Variants in GOLM1 observed in about 807,000 individuals in gnomAD.
The protein encoded by GOLM1 is epididymis luminal protein 46.
Under a neutral mutation model 50.5 loss-of-function variants are expected in GOLM1, and 31 were observed. The ratio of observed to expected loss-of-function variants is 0.61; its 90% CI spans 0.46 to 0.83. GOLM1 has a LOEUF of 0.83. Among genes scored for constraint, GOLM1 ranks in the 40% least tolerant of loss-of-function variants. GOLM1 has a pLI of 0.00. For synonymous variants in GOLM1, 178 were observed against 192.8 expected (o/e 0.92, Z 0.64); for missense variants, 491 against 501.3 (o/e 0.98, Z 0.20).
intron 4 of GOLM1, among the ~76,000 whole-genome samples, chr9:86,047,729 G>A (rs1254281556): frequency 6.6e-6 from 1 of 152,194 alleles, no homozygotes; most frequent in Non-Finnish European, 1.5e-5. Flanking sequence ...CTAGGCAAGA[G>A]ATAACGGAAT....
At position 86,077,437 on chromosome 9, in the gene GOLM1, A is replaced by G. The variant is rs773677130; in HGVS notation, c.284T>C (p.Val95Ala). ...QSSHNFQLESVNKLYQDEKAV... is the reference protein window; with the variant it reads ...QSSHNFQLESANKLYQDEKAV... The stretch of plus-strand genomic sequence containing the variant: ...CTTTTCGTCCTGGTACAGCTTGTTG[A>G]CGCTCTCCAGCTGGAAGTTGTGGCT... Residue 95 changes from valine to alanine, a missense_variant, in exon 3 of 10, where the codon GTC (valine) becomes GCC (alanine). Coordinates refer to ENST00000388712, the MANE Select transcript of GOLM1 (RefSeq NM_016548.4). The G allele has an allele frequency of 2.4e-5, 39 of 1,614,018 alleles. No homozygotes were observed. Among genetic ancestry groups the G allele is most frequent in the Non-Finnish European group, 3.2e-5 (38 of 1,179,972 alleles).
At chr9:86,070,021 T>G (rs1834402686) in intron 3 of GOLM1, among the ~76,000 whole-genome samples, 1 of 151,910 alleles carries the variant, frequency 6.6e-6, no homozygotes, top group Admixed American at 6.6e-5. Context: ...GTAGCTGGGA[T>G]TTCAGGTGCC....
In GOLM1 at chr9:86,035,483, T is replaced by TG; in HGVS notation, c.899dup (p.Gln301ThrfsTer19). 1 of 1,613,600 alleles carries TG rather than the reference T, an allele frequency of 6.2e-7. No homozygotes were observed. The highest frequency in any genetic ancestry group is 8.5e-7 in the Non-Finnish European group (1 of 1,179,978). On this transcript the variant is annotated frameshift_variant, in exon 8 of 10. Coordinates refer to ENST00000388712, the MANE Select transcript of GOLM1 (RefSeq NM_016548.4). LOFTEE classifies it high-confidence loss of function. ...TCACTGACAGGGCAGCCTGCACCTG[T>TG]GGGGTCTGGCCCAGTTCTCCGGCTC... is the stretch of plus-strand genomic sequence containing the variant.
rs528813436 is a variant in GOLM1 at position 86,027,285 on chromosome 9, A to ACAGT, written c.*528_*531dup. 1.0e-6 allele frequency: 1 copy of ACAGT among 985,430 alleles called. No homozygotes were observed. The highest frequency in any genetic ancestry group is 1.2e-6 in the Non-Finnish European group (1 of 829,878). The allele number at this position is 985,430 out of a possible 1,614,324, so 61.0% of individuals were successfully genotyped here. A position where few individuals can be genotyped will look rare whatever the true frequency, so the allele number is the denominator to read the frequency against. ...TACTTTGCTAGTGACGTTTGTGTTAACAGTCAGTGCTCTAGGCCATTGATT... is the reference window on the plus strand; with the variant it reads ...TACTTTGCTAGTGACGTTTGTGTTAACAGTCAGTCAGTGCTCTAGGCCATTGATT... On this transcript the variant is annotated 3_prime_UTR_variant, in exon 10 of 10. Transcript: ENST00000388712.
chr9:86,061,843 TAG>T (rs1199491910), intron 3 of GOLM1, among the ~76,000 whole-genome samples: 1 of 151,986 alleles, frequency 6.6e-6, no homozygotes, highest in Non-Finnish European at 1.5e-5. Flanking sequence ...GTTTAGGGGA[TAG>T]AGTCAAATGT....
intron 3 of GOLM1, among the ~76,000 whole-genome samples, chr9:86,069,484 C>G (rs1368492266): frequency 6.6e-6 from 1 of 152,170 alleles, no homozygotes; most frequent in African/African-American, 2.4e-5. Flanking sequence ...AGCTCAATCC[C>G]CAAGAACTGA....
At chr9:86,099,255 C>T (rs1002097585) in intron 1 of GOLM1, among the ~76,000 whole-genome samples, 156 bp downstream of exon 1, 1 of 151,844 alleles carries the variant, frequency 6.6e-6, no homozygotes, top group Non-Finnish European at 1.5e-5. Context: ...CAGCCCCGAG[C>T]GCAGCCAGCG....
chr9:86,074,235 TAAA>T (rs11333722), intron 3 of GOLM1, among the ~76,000 whole-genome samples: 16 of 121,430 alleles, frequency 1.3e-4, no homozygotes, highest in Admixed American at 3.4e-4. Context: ...TTCTAAGATT[TAAA>T]AAAAAAAAAA....
At position 86,059,853 on chromosome 9, in the gene GOLM1, T is replaced by C. The variant is rs542575712; in HGVS notation, c.310-7262A>G. 2.3e-5 allele frequency among the ~76,000 whole-genome samples: 3 copies of C among 133,108 alleles called. No individual in the cohort carries two copies. In the East Asian group the frequency reaches 6.4e-4, roughly 29 times the overall value. 87.3% of individuals were successfully genotyped at this position (133,108 alleles called of 152,430 possible). On this transcript the variant is annotated intron_variant, in intron 3 of 9. Transcript: ENST00000388712. Reference sequence around the variant, plus strand: ...AGGTGGAGGTTGCAGTGAGCCAAGATGGCAACACTGCACTCCAGCCCGGGT... The same window carrying C: ...AGGTGGAGGTTGCAGTGAGCCAAGACGGCAACACTGCACTCCAGCCCGGGT...
In GOLM1 at chr9:86,027,658, A is replaced by AT. The variant is rs1832827596; in HGVS notation, c.*158dup. Reference sequence around the variant, plus strand: ...CAAAAGCTGTTTAAAAGACCATTCCATTTTTTCCTACACAAAGTGCATACT... The same window carrying AT: ...CAAAAGCTGTTTAAAAGACCATTCCATTTTTTTCCTACACAAAGTGCATACT... On this transcript the variant is annotated 3_prime_UTR_variant, in exon 10 of 10. Coordinates refer to ENST00000388712, the MANE Select transcript of GOLM1 (RefSeq NM_016548.4). 1.4e-6 allele frequency: 2 copies of AT among 1,402,770 alleles called. No homozygotes were observed. The highest frequency in any genetic ancestry group is 1.8e-6 in the Non-Finnish European group (2 of 1,081,364). The allele number at this position is 1,402,770 out of a possible 1,614,324, so 86.9% of individuals were successfully genotyped here.
chr9:86,087,070 C>G (rs143360144), intron 1 of GOLM1, among the ~76,000 whole-genome samples: 1 of 152,182 alleles, frequency 6.6e-6, no homozygotes, highest in Non-Finnish European at 1.5e-5. Flanking sequence ...GATATTGATT[C>G]TTCCGATCCA....
At chr9:86,043,948 GTTTC>G (rs1301730512) in intron 5 of GOLM1, among the ~76,000 whole-genome samples, 3 of 152,270 alleles carry the variant, frequency 2.0e-5, no homozygotes, top group South Asian at 2.1e-4. Flanking sequence ...TTGCATTAAG[GTTTC>G]TTTAAGGATG....
intron 3 of GOLM1, among the ~76,000 whole-genome samples, chr9:86,066,464 C>T (rs1350659674): frequency 6.6e-6 from 1 of 152,182 alleles, no homozygotes; most frequent in Non-Finnish European, 1.5e-5. Context: ...GTCACCAACA[C>T]CTCTGTTCTT....
chr9:86,052,456 C>T, intron 4 of GOLM1, 81 bp downstream of exon 4: 1 of 1,149,518 alleles, frequency 8.7e-7, no homozygotes, highest in Non-Finnish European at 1.3e-6. Context: ...AATGGAGACC[C>T]ACCTGGGCCT....
At chr9:86,056,599 G>A (rs946149490) in intron 3 of GOLM1, among the ~76,000 whole-genome samples, 2 of 150,618 alleles carry the variant, frequency 1.3e-5, no homozygotes, top group Non-Finnish European at 2.9e-5. Context: ...TCCACCTCCC[G>A]GGTTCAAGCA....
At chr9:86,078,743 T>C (rs994137566) in intron 2 of GOLM1, among the ~76,000 whole-genome samples, 5 of 152,200 alleles carry the variant, frequency 3.3e-5, no homozygotes, top group Non-Finnish European at 7.4e-5. Flanking sequence ...AAAATTATTA[T>C]TATCATTAAG....
At chr9:86,031,099 G>T (rs971998333) in intron 9 of GOLM1, among the ~76,000 whole-genome samples, 1 of 152,006 alleles carries the variant, frequency 6.6e-6, no homozygotes, top group Non-Finnish European at 1.5e-5. Context: ...AATCTCAGCT[G>T]CTCGGGAGGC....
At chr9:86,051,893 A>G (rs1000250906) in intron 4 of GOLM1, among the ~76,000 whole-genome samples, 1 of 152,188 alleles carries the variant, frequency 6.6e-6, no homozygotes, top group African/African-American at 2.4e-5. Context: ...AGCAATGACC[A>G]AAAGAATTAT....
At chr9:86,089,680 G>A (rs1380582125) in intron 1 of GOLM1, among the ~76,000 whole-genome samples, 1 of 152,058 alleles carries the variant, frequency 6.6e-6, no homozygotes, top group South Asian at 2.1e-4. Context: ...AAGGTTCTTA[G>A]CTTCCTTGCA....
Sources: allele counts gnomAD v4.1 joint callset (sites outside exome capture counted in the v4.1 genomes callset), GRCh38; gene constraint gnomAD v4.1.1; transcripts MANE v1.5; gene names NCBI Gene and HGNC (gene_info 2026-07-23, HGNC 2026-07-21).